The following COMMD1 variants were observed in gnomAD, a reference collection of about 807,000 sequenced individuals.
COMMD1 encodes COMM domain-containing protein 1.
COMMD1 carries 10 observed loss-of-function variants against 17.2 expected under a neutral mutation model. That is an observed-to-expected ratio of 0.58 (90% CI 0.36 to 0.99). COMMD1 has a LOEUF of 0.99. Among genes scored for constraint, COMMD1 ranks in the 50% least tolerant of loss-of-function variants. The probability of loss-of-function intolerance (pLI) is 0.01; values close to 1 mark genes in which losing one functional copy is unlikely to be tolerated. For missense variants in COMMD1, 270 were observed against 231.8 expected (o/e 1.17, Z -1.07); for synonymous variants, 97 against 91.6 (o/e 1.06, Z -0.34).
chr2:61,937,324 T>G (rs1180263090), intron 1 of COMMD1, among the ~76,000 whole-genome samples: 2 of 152,210 alleles, frequency 1.3e-5, no homozygotes, highest in Non-Finnish European at 2.9e-5. Context: ...CAAATGGTTG[T>G]GAGAGCCTTC....
chr2:61,896,576 GA>G (rs1212675054), intron 1 of COMMD1, among the ~76,000 whole-genome samples: 1 of 151,956 alleles, frequency 6.6e-6, no homozygotes, highest in African/African-American at 2.4e-5. Flanking sequence ...CCCTATCTCA[GA>G]AAAAAACAAA....
rs530392476 is a variant in COMMD1, at chr2:61,967,088, A to G, written c.181-33613A>G. Reference sequence around the variant, plus strand: ...ATCAAATGTAACCAGGATCTTTATTATAGTGGAAATGGGGCCAGTTGATGA... The same window carrying G: ...ATCAAATGTAACCAGGATCTTTATTGTAGTGGAAATGGGGCCAGTTGATGA... On this transcript the variant is annotated intron_variant, in intron 1 of 2. Transcript: ENST00000311832. Among the ~76,000 whole-genome samples the G allele has an allele frequency of 9.2e-5, 14 of 152,090 alleles. No homozygotes were observed. In the East Asian group the frequency reaches 2.7e-3, roughly 29 times the overall value.
intron 1 of COMMD1, among the ~76,000 whole-genome samples, chr2:61,917,733 G>C (rs1670086024): frequency 6.6e-6 from 1 of 152,128 alleles, no homozygotes; most frequent in Non-Finnish European, 1.5e-5. Context: ...GGGTTTCACC[G>C]TGTTAGCCAG....
At chr2:61,949,046 T>A (rs759218631) in intron 1 of COMMD1, among the ~76,000 whole-genome samples, 34 of 152,280 alleles carry the variant, frequency 2.2e-4, no homozygotes, top group Middle Eastern at 6.8e-3. Flanking sequence ...GGCAGGAGGA[T>A]CACTTGAGTC....
At chr2:61,986,430 G>A (rs1672106877) in intron 1 of COMMD1, among the ~76,000 whole-genome samples, 1 of 151,762 alleles carries the variant, frequency 6.6e-6, no homozygotes. Context: ...TCTCTAGGTT[G>A]GGGATGTTCT....
rs528438081 is a variant in COMMD1, at chr2:61,923,411, C to T, written c.180+17553C>T. On this transcript the variant is annotated intron_variant, in intron 1 of 2. Coordinates refer to ENST00000311832, the MANE Select transcript of COMMD1 (RefSeq NM_152516.4). Reference sequence around the variant, plus strand: ...GAGGAAAACACTGTGTATTTCTCAACATCTAGCTAAATGATGAGAATTGAA... The same window carrying T: ...GAGGAAAACACTGTGTATTTCTCAATATCTAGCTAAATGATGAGAATTGAA... Among the ~76,000 whole-genome samples the T allele has an allele frequency of 2.0e-5, 3 of 152,106 alleles. No individual in the cohort carries two copies. In the South Asian group the frequency reaches 6.2e-4, roughly 32 times the overall value.
intron 1 of COMMD1, among the ~76,000 whole-genome samples, chr2:61,918,217 A>G (rs894253312): frequency 3.9e-5 from 6 of 152,250 alleles, no homozygotes; most frequent in African/African-American, 1.2e-4. Flanking sequence ...TTTTTAATTT[A>G]GAAATACCAT....
chr2:62,049,101 T>A (rs762770875), intron 2 of COMMD1, among the ~76,000 whole-genome samples: 21 of 151,922 alleles, frequency 1.4e-4, no homozygotes, highest in Non-Finnish European at 2.2e-4. Flanking sequence ...ACCAGAAAAT[T>A]GAATAATAAT....
intron 1 of COMMD1, among the ~76,000 whole-genome samples, chr2:61,915,286 G>A (rs947429296): frequency 3.9e-5 from 6 of 151,966 alleles, no homozygotes; most frequent in South Asian, 2.1e-4. Context: ...GATTACATGC[G>A]TGAGCCACTG....
At chr2:61,988,476 T>TGG (rs1368249387) in intron 1 of COMMD1, among the ~76,000 whole-genome samples, 3 of 152,172 alleles carry the variant, frequency 2.0e-5, no homozygotes, top group Non-Finnish European at 4.4e-5. Flanking sequence ...GGGCCTGGAA[T>TGG]GGGGGCCTCA....
At chr2:62,121,327 G>T in intron 2 of COMMD1, among the ~76,000 whole-genome samples, 1 of 123,118 alleles carries the variant, frequency 8.1e-6, no homozygotes, top group African/African-American at 3.2e-5. Context: ...CCAAGATCAT[G>T]CCACTACACT....
chr2:62,121,601 G>A (rs1292214362), intron 2 of COMMD1, among the ~76,000 whole-genome samples: 1 of 151,564 alleles, frequency 6.6e-6, no homozygotes, highest in Non-Finnish European at 1.5e-5. Context: ...AGCCAGGCGT[G>A]TTGGTGTGCA....
chr2:61,942,982 C>G (rs1670793194), intron 1 of COMMD1, among the ~76,000 whole-genome samples: 1 of 152,134 alleles, frequency 6.6e-6, no homozygotes, highest in African/African-American at 2.4e-5. Context: ...CTTCAGAACT[C>G]TAGCCATGAG....
intron 1 of COMMD1, among the ~76,000 whole-genome samples, chr2:61,929,050 G>T (rs1166796153): frequency 6.6e-6 from 1 of 152,228 alleles, no homozygotes. Flanking sequence ...GAGTTCATTG[G>T]TTCCAGAGGT....
At chr2:62,095,616 T>G (rs1671978056) in intron 2 of COMMD1, among the ~76,000 whole-genome samples, 1 of 151,666 alleles carries the variant, frequency 6.6e-6, no homozygotes, top group Non-Finnish European at 1.5e-5. Context: ...AAATGCAGCC[T>G]TTATTTTTAG....
intron 2 of COMMD1, among the ~76,000 whole-genome samples, chr2:62,044,830 C>T (rs1392090671): frequency 7.0e-6 from 1 of 142,696 alleles, no homozygotes; most frequent in Non-Finnish European, 1.5e-5. Flanking sequence ...GGAGCAAGCT[C>T]CTAACTTAAA....
chr2:61,895,170 G>A (rs1036486844), intron 1 of COMMD1, among the ~76,000 whole-genome samples: 2 of 152,218 alleles, frequency 1.3e-5, no homozygotes, highest in Non-Finnish European at 1.5e-5. Flanking sequence ...AGAGATTTAA[G>A]ACAGCCAGGA....
intron 1 of COMMD1, among the ~76,000 whole-genome samples, chr2:61,913,999 G>A (rs1482432583): frequency 3.3e-5 from 5 of 151,724 alleles, no homozygotes; most frequent in South Asian, 2.1e-4. Context: ...GGGAAACCCC[G>A]TCTGTACTAA....
At chr2:61,934,674 G>GTGAAAT (rs1482067395) in intron 1 of COMMD1, among the ~76,000 whole-genome samples, 2 of 152,234 alleles carry the variant, frequency 1.3e-5, no homozygotes. Flanking sequence ...AGAAAGGGAT[G>GTGAAAT]TGAAATTGAG....
Sources: allele counts gnomAD v4.1 joint callset (sites outside exome capture counted in the v4.1 genomes callset), GRCh38; gene constraint gnomAD v4.1.1; transcripts MANE v1.5; gene names NCBI Gene and HGNC (gene_info 2026-07-23, HGNC 2026-07-21).